The following UTP4 variants were observed in gnomAD, a reference collection of about 807,000 sequenced individuals.
UTP4 encodes U3 small nucleolar RNA-associated protein 4 homolog.
In UTP4, 45 loss-of-function variants were observed where a neutral mutation model predicts 82.4. That is an observed-to-expected ratio of 0.55 (90% CI 0.43 to 0.70). The LOEUF (loss-of-function observed/expected upper bound fraction) is 0.70. Among genes scored for constraint, UTP4 ranks in the 30% least tolerant of loss-of-function variants. The pLI, the probability that UTP4 is intolerant of heterozygous loss-of-function variation, is 0.00. For synonymous variants in UTP4, 348 were observed against 300.3 expected (o/e 1.16, Z -1.64); for missense variants, 819 against 858.3 (o/e 0.95, Z 0.57).
In UTP4 at chr16:69,135,416, G is replaced by A. The variant is rs192232169; in HGVS notation, c.160-1280G>A. 2.2e-3 allele frequency among the ~76,000 whole-genome samples: 327 copies of A among 152,078 alleles called. 1 individual carries two copies. The highest frequency in any genetic ancestry group is 7.3e-3 in the African/African-American group (304 of 41,476). On this transcript the variant is annotated intron_variant, in intron 2 of 16. Transcript: ENST00000314423. The stretch of plus-strand genomic sequence containing the variant: ...TCTCAGAGCAAGAAAAAATTAGTAC[G>A]TTAAAGTGAAAAGAGGCAGGGCAGA...
At chr16:69,159,013 A>T (rs1227955588) in intron 12 of UTP4, among the ~76,000 whole-genome samples, 1 of 151,964 alleles carries the variant, frequency 6.6e-6, no homozygotes, top group Non-Finnish European at 1.5e-5. Context: ...TAAATTAAAG[A>T]TATGCTTCAA....
chr16:69,168,932 A>G lies in UTP4; in HGVS notation c.2056A>G (p.Thr686Ala). 1 of 1,597,414 alleles carries G rather than the reference A, an allele frequency of 6.3e-7. No homozygotes were observed. The highest frequency in any genetic ancestry group is 8.6e-7 in the Non-Finnish European group (1 of 1,164,762). Residue 686 changes from threonine (T) to alanine (A), a missense_variant, in exon 17 of 17, where the codon ACC becomes GCC. Transcript: ENST00000314423. ...PPPIKKKKFGT is the reference protein window; with the variant it reads ...PPPIKKKKFGA ...ACCCATTAAAAAGAAGAAATTTGGA[A>G]CCTAAAACAGGGCACTGTCTGTGTC... is the stretch of plus-strand genomic sequence containing the variant.
intron 6 of UTP4, among the ~76,000 whole-genome samples, chr16:69,145,050 G>A (rs893016434): frequency 6.6e-6 from 1 of 151,864 alleles, no homozygotes; most frequent in Admixed American, 6.6e-5. Context: ...ACTGAGGCAG[G>A]AGAATCACTT....
At chr16:69,139,060 CT>C (rs1238419112) in intron 4 of UTP4, 1 of 149,512 alleles carries the variant, frequency 6.7e-6, no homozygotes, top group Non-Finnish European at 1.5e-5. Flanking sequence ...CCTCTGCCTC[CT>C]GGGTTCAAGC....
chr16:69,162,010 C>T (rs1398829545), intron 13 of UTP4, among the ~76,000 whole-genome samples: 3 of 151,310 alleles, frequency 2.0e-5, no homozygotes, highest in Non-Finnish European at 4.4e-5. Context: ...CACTGTTGCC[C>T]AGGCTGGAGT....
Position 69,137,821 on chromosome 16 carries a change from T to C in UTP4, c.372T>C (p.Ser124=). ...SQLLVGCEDG[S]VKLFQITPDK... is the part of the protein sequence containing the mutation. ...AATAGGTTGGTTGTGAAGATGGATCTGTGAAACTATTTCAAATTACCCCAG... is the reference window on the plus strand; with the variant it reads ...AATAGGTTGGTTGTGAAGATGGATCCGTGAAACTATTTCAAATTACCCCAG... Residue 124 remains serine, a synonymous_variant, in exon 4 of 17, where the codon TCT becomes TCC. Transcript: ENST00000314423. 1 of 1,611,674 alleles carries C rather than the reference T, an allele frequency of 6.2e-7. No homozygotes were observed. The highest frequency in any genetic ancestry group is 8.5e-7 in the Non-Finnish European group (1 of 1,177,750).
chr16:69,154,581 G>T lies in UTP4; in HGVS notation c.1164+124G>T. ...GTATAAATTCTAAAACTATTTGAAT[G>T]AAGGACTGTGTCACCAGGACTGGGT... On this transcript the variant is annotated intron_variant, in intron 10 of 16. Transcript: ENST00000314423. 4 of 771,840 alleles carry T rather than the reference G, an allele frequency of 5.2e-6. 1 individual carries two copies. Among genetic ancestry groups the T allele is most frequent in the Non-Finnish European group, 9.0e-6 (4 of 442,942 alleles). 47.8% of individuals were successfully genotyped at this position (771,840 alleles called of 1,614,324 possible).
At chr16:69,165,787 A>G (rs183615801) in intron 15 of UTP4, 66 of 581,944 alleles carry the variant, frequency 1.1e-4, no homozygotes, top group African/African-American at 1.1e-3. Context: ...CTATTTGTCT[A>G]CTTTGCGAGT....
chr16:69,134,886 C>T (rs749386106), intron 2 of UTP4, among the ~76,000 whole-genome samples: 11 of 151,400 alleles, frequency 7.3e-5, no homozygotes, highest in Non-Finnish European at 1.5e-4. Flanking sequence ...GAGGTTTCAC[C>T]ATGTTGGCCA....
rs568554094 is a variant in UTP4 at position 69,151,070 on chromosome 16, G to A, written c.1002+166G>A. ...TGCCCAGGCTGGAGTGCAATGGCGCGATCTCGGCTCACCACAACCTCCACC... is the reference window on the plus strand; with the variant it reads ...TGCCCAGGCTGGAGTGCAATGGCGCAATCTCGGCTCACCACAACCTCCACC... On this transcript the variant is annotated intron_variant, in intron 8 of 16. Coordinates refer to ENST00000314423, the MANE Select transcript of UTP4 (RefSeq NM_032830.3). 5.9e-5 allele frequency among the ~76,000 whole-genome samples: 9 copies of A among 151,330 alleles called. No homozygotes were observed. The South Asian group carries it at 8.4e-4, about 14-fold the overall frequency.
chr16:69,167,879 T>C (rs923658072), intron 16 of UTP4: 2 of 151,200 alleles, frequency 1.3e-5, no homozygotes, highest in African/African-American at 4.9e-5. Flanking sequence ...CTAGGTGTGG[T>C]GGAGCATGCC....
At position 69,150,559 on chromosome 16, in the gene UTP4, G is replaced by A; in HGVS notation, c.761G>A (p.Gly254Asp). 1 of 1,614,196 alleles carries A rather than the reference G, an allele frequency of 6.2e-7. No individual in the cohort carries two copies. Among genetic ancestry groups the A allele is most frequent in the Non-Finnish European group, 8.5e-7 (1 of 1,180,048 alleles). ...CAGCAAGAAGACAGTTTCGTGGTGG[G>A]CACAGCCGAGGGAACAGTCTTCCAT... The part of the protein sequence containing the change: ...VADQEDSFVV[G>D]TAEGTVFHFQ... The change falls in exon 7 of 17, where the codon GGC (glycine) becomes GAC (aspartate). Residue 254 changes from glycine to aspartate, a missense_variant. Physicochemically the swap from Gly to Asp is moderately conservative, Grantham distance 94. Transcript: ENST00000314423.
At chr16:69,163,221 A>G (rs1963610048) in intron 14 of UTP4, 43 bp downstream of exon 14, 2 of 1,485,086 alleles carry the variant, frequency 1.3e-6, no homozygotes, top group Non-Finnish European at 9.4e-7. Flanking sequence ...CCTGCTGGAT[A>G]GTAACCTAGA....
At chr16:69,167,460 G>C in intron 16 of UTP4, 1 of 410,256 alleles carries the variant, frequency 2.4e-6, no homozygotes, top group South Asian at 2.3e-5. Flanking sequence ...TTGTTGTCAT[G>C]AGAGCTGGCT....
intron 12 of UTP4, 106 bp from the exon 13 acceptor site, chr16:69,160,250 T>C: frequency 1.2e-6 from 1 of 845,926 alleles, no homozygotes; most frequent in East Asian, 2.4e-5. Context: ...ATCCTGGCAG[T>C]GATTTAAAAC....
chr16:69,160,528 C>A (rs1963536476), intron 13 of UTP4, 66 bp downstream of exon 13: 2 of 1,132,168 alleles, frequency 1.8e-6, no homozygotes, highest in African/African-American at 3.1e-5. Context: ...CCTGCAGTTA[C>A]AAGATTCAAG....
chr16:69,137,401 GATT>G (rs935188655), intron 3 of UTP4, among the ~76,000 whole-genome samples: 2 of 152,156 alleles, frequency 1.3e-5, no homozygotes, highest in African/African-American at 2.4e-5. Flanking sequence ...TGATGAGTCT[GATT>G]ATTTTTGATC....
At chr16:69,167,023 G>A in intron 15 of UTP4, 52 bp from the exon 16 acceptor site, 1 of 1,251,058 alleles carries the variant, frequency 8.0e-7, no homozygotes, top group Non-Finnish European at 1.2e-6. Context: ...TCTTTGGTCT[G>A]CAGAAGCCCA....
intron 2 of UTP4, 67 bp from the exon 3 acceptor site, chr16:69,136,629 T>C: frequency 1.3e-6 from 2 of 1,516,930 alleles, no homozygotes; most frequent in Non-Finnish European, 1.8e-6. Context: ...CCATGTTGCC[T>C]GTGACCACTC....
Sources: allele counts gnomAD v4.1 joint callset (sites outside exome capture counted in the v4.1 genomes callset), GRCh38; gene constraint gnomAD v4.1.1; transcripts MANE v1.5; gene names NCBI Gene and HGNC (gene_info 2026-07-23, HGNC 2026-07-21).